GLT1D1: variants seen among roughly 807,000 people sequenced by gnomAD.
GLT1D1 encodes the protein glycosyltransferase 1 domain containing 1.
GLT1D1 carries 21 observed loss-of-function variants against 28.7 expected under a neutral mutation model. That is an observed-to-expected ratio of 0.73 (90% CI 0.52 to 1.05). The LOEUF is 1.05. Among genes scored for constraint, GLT1D1 ranks in the 50% least tolerant of loss-of-function variants. The pLI is 0.00. For synonymous variants in GLT1D1, 147 were observed against 124.8 expected, an observed-to-expected ratio of 1.18 and a Z score of -1.19; for missense variants, 343 against 330.6, an observed-to-expected ratio of 1.04 and a Z score of -0.29.
intron 1 of GLT1D1, among the ~76,000 whole-genome samples, chr12:128,873,194 C>A (rs1431740459): frequency 6.6e-6 from 1 of 152,194 alleles, no homozygotes; most frequent in Admixed American, 6.5e-5. Context: ...CTGCACCTGG[C>A]CTGACTCTCC....
At chr12:128,879,442 C>CT (rs1006483475) in intron 2 of GLT1D1, among the ~76,000 whole-genome samples, 1 of 104,260 alleles carries the variant, frequency 9.6e-6, no homozygotes, top group East Asian at 2.7e-4. Flanking sequence ...TTCTTTCTTT[C>CT]TTTCTTTCTT....
intron 7 of GLT1D1, among the ~76,000 whole-genome samples, chr12:128,977,937 C>G (rs562105984): frequency 3.2e-4 from 48 of 151,888 alleles, no homozygotes; most frequent in African/African-American, 1.1e-3. Flanking sequence ...TGTGTGCCAC[C>G]ATGACTAGCT....
chr12:128,944,959 C>T, intron 4 of GLT1D1: 1 of 549,418 alleles, frequency 1.8e-6, no homozygotes, highest in South Asian at 2.3e-5. Context: ...CCCCCGACCC[C>T]CAACAGGCCC....
chr12:128,896,720 C>T (rs1200263955), intron 3 of GLT1D1, among the ~76,000 whole-genome samples: 3 of 151,870 alleles, frequency 2.0e-5, no homozygotes, highest in East Asian at 3.9e-4. Context: ...GCTGGGATTA[C>T]AGGCATGCAC....
At chr12:128,950,784 C>T (rs1049058696) in intron 6 of GLT1D1, among the ~76,000 whole-genome samples, 3 of 152,186 alleles carry the variant, frequency 2.0e-5, no homozygotes, top group African/African-American at 7.2e-5. Context: ...AAGTTTCCTT[C>T]TGCCTGCTAA....
chr12:128,944,436 T>C (rs1875749168), intron 4 of GLT1D1: 13 of 1,342,496 alleles, frequency 9.7e-6, no homozygotes, highest in Non-Finnish European at 1.3e-5. Context: ...AAGCCTTTAG[T>C]CTCTTGATAA....
Position 128,911,023 on chromosome 12 carries a change from G to A in GLT1D1, c.375+11736G>A, listed in dbSNP as rs1327232690. Among the ~76,000 whole-genome samples the A allele has an allele frequency of 4.6e-5, 7 of 152,182 alleles. No individual in the cohort carries two copies. In the East Asian group the frequency reaches 1.2e-3, roughly 25 times the overall value. On this transcript the variant is annotated intron_variant, in intron 4 of 7. Coordinates refer to ENST00000281703, the MANE Select transcript of GLT1D1 (RefSeq NM_144669.3). ...CGGCTCACTGCAACCTCCGCCTCCCGGGTTCAAGCGATTGTCCTGCCTCAG... is the reference window on the plus strand; with the variant it reads ...CGGCTCACTGCAACCTCCGCCTCCCAGGTTCAAGCGATTGTCCTGCCTCAG...
At chr12:128,933,334 A>G (rs1484857111) in intron 4 of GLT1D1, among the ~76,000 whole-genome samples, 1 of 152,278 alleles carries the variant, frequency 6.6e-6, no homozygotes, top group Non-Finnish European at 1.5e-5. Flanking sequence ...GGAAGCCGCC[A>G]TAGGCGCACA....
At chr12:128,944,612 G>T (rs1875773468) in intron 4 of GLT1D1, 1 of 741,948 alleles carries the variant, frequency 1.3e-6, no homozygotes, top group Non-Finnish European at 2.5e-6. Context: ...GACATATTCA[G>T]GTTAATCACT....
intron 3 of GLT1D1, among the ~76,000 whole-genome samples, chr12:128,892,053 C>A (rs1054874454): frequency 1.3e-5 from 2 of 152,138 alleles, no homozygotes; most frequent in Admixed American, 6.5e-5. Context: ...GAGGGGTTTT[C>A]CAGGTCACTG....
At chr12:128,862,846 C>G (rs1459423789) in intron 1 of GLT1D1, among the ~76,000 whole-genome samples, 1 of 152,202 alleles carries the variant, frequency 6.6e-6, no homozygotes, top group Non-Finnish European at 1.5e-5. Flanking sequence ...GTCTAGCATT[C>G]TAGCATGGAA....
At chr12:128,977,654 T>C (rs1213048279) in intron 7 of GLT1D1, among the ~76,000 whole-genome samples, 3 of 152,164 alleles carry the variant, frequency 2.0e-5, no homozygotes, top group Non-Finnish European at 4.4e-5. Flanking sequence ...CCACCGCTGA[T>C]CAGGAACAGG....
chr12:128,952,646 T>C (rs1876831700), intron 6 of GLT1D1, among the ~76,000 whole-genome samples: 1 of 151,446 alleles, frequency 6.6e-6, no homozygotes. Context: ...TTGTATTTTT[T>C]TTTTTTTTAG....
chr12:128,910,683 C>CA (rs1871416180), intron 4 of GLT1D1, among the ~76,000 whole-genome samples: 1 of 142,028 alleles, frequency 7.0e-6, no homozygotes, highest in Non-Finnish European at 1.5e-5. Flanking sequence ...CGCCTTTAGC[C>CA]TTTTTTTTTT....
At chr12:128,970,042 G>A (rs550553676) in intron 7 of GLT1D1, among the ~76,000 whole-genome samples, 2 of 152,334 alleles carry the variant, frequency 1.3e-5, no homozygotes, top group Admixed American at 6.5e-5. Context: ...CCCAGTCAGC[G>A]GGGTGCTTGC....
intron 1 of GLT1D1, among the ~76,000 whole-genome samples, chr12:128,868,782 A>G (rs1280471408): frequency 6.6e-6 from 1 of 152,232 alleles, no homozygotes; most frequent in African/African-American, 2.4e-5. Flanking sequence ...CACATTAAAC[A>G]TAGCAAAAAG....
In GLT1D1 at chr12:128,958,586, C is replaced by CAAA. The variant is rs1164628353; in HGVS notation, c.639+961_639+963dup. Among the ~76,000 whole-genome samples the CAAA allele has an allele frequency of 1.8e-3, 135 of 74,426 alleles. 5 individuals are homozygous for CAAA. The highest frequency in any genetic ancestry group is 8.3e-3 in the Middle Eastern group (1 of 120). 48.8% of individuals were successfully genotyped at this position (74,426 alleles called of 152,430 possible). On this transcript the variant is annotated intron_variant, in intron 7 of 7. Coordinates refer to ENST00000281703, the MANE Select transcript of GLT1D1 (RefSeq NM_144669.3). ...TGAAACCCCGTCTCTATTAAAAAGA[C>CAAA]AAAAAAAAAAAAAAAAAAAAGCTGG...
chr12:128,952,434 T>TGGG (rs554517583), intron 6 of GLT1D1, among the ~76,000 whole-genome samples: 118 of 74,872 alleles, frequency 1.6e-3, no homozygotes, highest in East Asian at 0.014. Context: ...AGGGTGGGGG[T>TGGG]GGGGGGGGGT....
In GLT1D1 at chr12:128,943,855, A is replaced by G. The variant is rs534437103; in HGVS notation, c.376-1471A>G. Among the ~76,000 whole-genome samples the G allele has an allele frequency of 1.2e-4, 19 of 152,368 alleles. No homozygotes were observed. In the East Asian group the frequency reaches 2.5e-3, roughly 20 times the overall value. On this transcript the variant is annotated intron_variant, in intron 4 of 7. Coordinates refer to ENST00000281703, the MANE Select transcript of GLT1D1 (RefSeq NM_144669.3). ...CAACGCTGGAGATGTCTTTTGTGGC[A>G]TCGATCTGTGCAAACATTTCTGATC...
Sources: gnomAD v4.1 joint callset for allele counts (sites outside exome capture counted in the v4.1 genomes callset) on GRCh38, gnomAD v4.1.1 for gene constraint, MANE v1.5 for transcripts, NCBI Gene and HGNC (gene_info 2026-07-23, HGNC 2026-07-21) for gene names.